HECTD4: variants seen among roughly 807,000 people sequenced by gnomAD.
HECTD4 encodes HECT domain E3 ubiquitin protein ligase 4, also known as probable E3 ubiquitin-protein ligase HECTD4.
In HECTD4, 114 loss-of-function variants were observed where a neutral mutation model predicts 471.5. The ratio of observed to expected loss-of-function variants is 0.24; its 90% CI spans 0.21 to 0.28. The LOEUF (loss-of-function observed/expected upper bound fraction) is 0.28. HECTD4 is among the 10% of genes least tolerant of loss of function. HECTD4 has a pLI of 1.00. For missense variants in HECTD4, 3,866 were observed against 5,651.5 expected (o/e 0.68, Z 10.13); for synonymous variants, 2,012 against 2,256.0 (o/e 0.89, Z 3.07).
At chr12:112,323,014 G>T in intron 1 of HECTD4, 1 of 192,084 alleles carries the variant, frequency 5.2e-6, no homozygotes, top group Non-Finnish European at 1.1e-5. Context: ...GTACCTGGCA[G>T]GACAAAGAAA....
chr12:112,319,341 A>G lies in HECTD4; in HGVS notation c.579T>C (p.Asn193=), dbSNP rs1301035959. 6.5e-7 allele frequency: 1 copy of G among 1,536,140 alleles called. No homozygotes were observed. The highest frequency in any genetic ancestry group is 1.4e-5 in the African/African-American group (1 of 73,172). The change falls in exon 2 of 76, where the codon AAT becomes AAC. Residue 193 remains asparagine (N), a synonymous_variant. Coordinates refer to ENST00000682272, the MANE Select transcript of HECTD4 (RefSeq NM_001388303.1). This position sits in a 1 kb window ranked among gnomAD's most constrained non-coding sequence, Gnocchi z 5.3. ...AAGAGCACAGCAAAGTTTCAATTCC[A>G]TTGAGACAGTCAGCAGGCTCCTTGG... The part of the protein sequence containing the change: ...SLTKEPADCL[N]GIETLLCSWL...
intron 53 of HECTD4, 26 bp downstream of exon 53, chr12:112,204,460 A>G (rs2032518160): frequency 5.6e-6 from 9 of 1,593,390 alleles, no homozygotes; most frequent in East Asian, 2.2e-5. Flanking sequence ...GAAATTTCAT[A>G]GGTCGAGTAA....
chr12:112,190,045 C>A (rs1163088337), intron 60 of HECTD4, among the ~76,000 whole-genome samples: 1 of 152,158 alleles, frequency 6.6e-6, no homozygotes, highest in South Asian at 2.1e-4. Flanking sequence ...TGAGCCACTG[C>A]GTCTGGCCCG....
At chr12:112,186,491 C>G (rs1172185828) in intron 60 of HECTD4, among the ~76,000 whole-genome samples, 2 of 149,976 alleles carry the variant, frequency 1.3e-5, no homozygotes, top group Admixed American at 1.3e-4. Flanking sequence ...CTCCTACCAG[C>G]ATGCCCAGTT....
At position 112,255,751 on chromosome 12, in the gene HECTD4, A is replaced by G. The variant is rs75498329; in HGVS notation, c.3327+569T>C. Among the ~76,000 whole-genome samples, 15 of 152,308 alleles carry G rather than the reference A, an allele frequency of 9.8e-5. No homozygotes were observed. The South Asian group carries it at 2.9e-3, about 29-fold the overall frequency. Reference sequence around the variant, plus strand: ...CCACATGACAGGTTACAATTCAACAATTCTAAGTAGAAGAAAATGCTTCAA... The same window carrying G: ...CCACATGACAGGTTACAATTCAACAGTTCTAAGTAGAAGAAAATGCTTCAA... On this transcript the variant is annotated intron_variant, in intron 21 of 75. Transcript: ENST00000682272.
chr12:112,203,129 A>T (rs2032475805), intron 54 of HECTD4: 1 of 152,420 alleles, frequency 6.6e-6, no homozygotes, highest in Admixed American at 6.6e-5. Flanking sequence ...TTTTGTAGAG[A>T]CAGGGTCTCG....
intron 60 of HECTD4, among the ~76,000 whole-genome samples, chr12:112,187,045 T>C (rs1018825217): frequency 6.6e-6 from 1 of 151,732 alleles, no homozygotes; most frequent in African/African-American, 2.4e-5. Flanking sequence ...AATGGCGTGA[T>C]CTTGGCTCAC....
chr12:112,279,098 A>AT (rs2034584549), intron 9 of HECTD4, 130 bp downstream of exon 9: 1 of 724,344 alleles, frequency 1.4e-6, no homozygotes, highest in Non-Finnish European at 2.2e-6. Flanking sequence ...GATAATTGGT[A>AT]TTTTTTGTTA....
intron 44 of HECTD4, among the ~76,000 whole-genome samples, chr12:112,222,019 G>T (rs1212282681): frequency 6.6e-6 from 1 of 151,898 alleles, no homozygotes. Context: ...TGCCTCCTGG[G>T]TTCAAGTGAT....
At chr12:112,198,770 C>T (rs925457724) in intron 55 of HECTD4, among the ~76,000 whole-genome samples, 5 of 152,176 alleles carry the variant, frequency 3.3e-5, no homozygotes, top group African/African-American at 9.7e-5. Context: ...AAACCCTATC[C>T]TTGTCTACCT....
chr12:112,369,025 C>G, intron 1 of HECTD4, among the ~76,000 whole-genome samples: 1 of 152,196 alleles, frequency 6.6e-6, no homozygotes, highest in East Asian at 1.9e-4. Flanking sequence ...AGCTCCCTCG[C>G]TCTCCTGGTC....
In HECTD4 at chr12:112,239,399, G is replaced by A. The variant is rs1345236634; in HGVS notation, c.5106-163C>T. ...AAACACAAAATGATTTTCTGATAAT[G>A]ATGATTCCCTTCATTAACAAGGAAC... On this transcript the variant is annotated intron_variant, in intron 33 of 75. Transcript: ENST00000682272. The surrounding 1 kb of genome is among the most constrained non-coding windows in gnomAD (Gnocchi z 4.9). Among the ~76,000 whole-genome samples, 1 of 152,190 alleles carries A rather than the reference G, an allele frequency of 6.6e-6. No homozygotes were observed. Among genetic ancestry groups the A allele is most frequent in the African/African-American group, 2.4e-5 (1 of 41,432 alleles).
chr12:112,267,870 G>C (rs748399590), intron 13 of HECTD4, among the ~76,000 whole-genome samples: 3 of 152,190 alleles, frequency 2.0e-5, no homozygotes, highest in Admixed American at 2.0e-4. Context: ...GGAGTGCATG[G>C]AGTGCAGTGG....
At chr12:112,164,334 C>T in intron 72 of HECTD4, 59 bp from the exon 73 acceptor site, 5 of 1,542,132 alleles carry the variant, frequency 3.2e-6, no homozygotes, top group Admixed American at 1.8e-5. Context: ...GAACCCTGAT[C>T]CCCAGGTGGC....
At chr12:112,176,898 G>A (rs932464648) in intron 64 of HECTD4, among the ~76,000 whole-genome samples, 196 bp from the exon 65 acceptor site, 3 of 152,134 alleles carry the variant, frequency 2.0e-5, no homozygotes, top group Admixed American at 6.5e-5. Flanking sequence ...GGACATATCC[G>A]TGCCTTAAAA....
In HECTD4 at chr12:112,244,016, A is replaced by T. The variant is rs780999682; in HGVS notation, c.4514-7T>A. 1 of 1,613,284 alleles carries T rather than the reference A, an allele frequency of 6.2e-7. No homozygotes were observed. The highest frequency in any genetic ancestry group is 2.2e-5 in the East Asian group (1 of 44,890). On this transcript the variant is annotated splice_polypyrimidine_tract_variant and splice_region_variant and intron_variant, in intron 29 of 75. Coordinates refer to ENST00000682272, the MANE Select transcript of HECTD4 (RefSeq NM_001388303.1). ...TCAGAAGCTGATTTACAAGCTAGAA[A>T]AAAAAGGAATAAAAAGGCTGACATT...
Position 112,328,830 on chromosome 12 carries a change from T to C in HECTD4, c.178-9088A>G, listed in dbSNP as rs148036912. ...AGGATATTAAATTTCCACACTTTAA[T>C]TCATGAGTTTTAGCCTCTAACTGGA... On this transcript the variant is annotated intron_variant, in intron 1 of 75. Transcript: ENST00000682272. 9.4e-4 allele frequency among the ~76,000 whole-genome samples: 143 copies of C among 152,326 alleles called. 1 individual carries two copies. Among genetic ancestry groups the C allele is most frequent in the Admixed American group, 7.3e-3 (111 of 15,294 alleles).
At chr12:112,354,257 C>T (rs754709062) in intron 1 of HECTD4, among the ~76,000 whole-genome samples, 6 of 152,048 alleles carry the variant, frequency 3.9e-5, no homozygotes, top group Middle Eastern at 6.8e-3. Context: ...AGCAGGATCT[C>T]GCCATGTTGC....
chr12:112,329,368 T>C (rs902921226), intron 1 of HECTD4, among the ~76,000 whole-genome samples: 1 of 136,406 alleles, frequency 7.3e-6, no homozygotes, highest in Non-Finnish European at 1.5e-5. Flanking sequence ...TTTGGGTTTT[T>C]TGTTTTTTTT....
Sources: gnomAD v4.1 joint callset for allele counts (sites outside exome capture counted in the v4.1 genomes callset) on GRCh38, gnomAD v4.1.1 for gene constraint, Gnocchi (gnomAD v3.1) non-coding constraint, MANE v1.5 for transcripts, NCBI Gene and HGNC (gene_info 2026-07-23, HGNC 2026-07-21) for gene names.